Variants in MCPH1 observed in about 807,000 individuals in gnomAD.
MCPH1 encodes the protein microcephalin 1.
Under a neutral mutation model 84.5 loss-of-function variants are expected in MCPH1, and 104 were observed. The ratio of observed to expected loss-of-function variants is 1.23; its 90% CI spans 1.05 to 1.45. The LOEUF (loss-of-function observed/expected upper bound fraction) is 1.45, where lower values mean the gene tolerates loss of function less well. Ranked by LOEUF, MCPH1 falls within the 40% of genes most tolerant of loss-of-function variation. The pLI is 0.00. For synonymous variants in MCPH1, 514 were observed against 366.8 expected, an observed-to-expected ratio of 1.40 and a Z score of -4.58; for missense variants, 1,498 against 1,005.7, an observed-to-expected ratio of 1.49 and a Z score of -6.62.
intron 12 of MCPH1, among the ~76,000 whole-genome samples, chr8:6,551,785 G>C (rs1024848085): frequency 1.3e-5 from 2 of 152,162 alleles, no homozygotes; most frequent in African/African-American, 2.4e-5. Context: ...ATTAGCTTGT[G>C]GTTGGGATTT....
intron 12 of MCPH1, among the ~76,000 whole-genome samples, chr8:6,540,065 C>G (rs1821262203): frequency 6.6e-6 from 1 of 152,192 alleles, no homozygotes; most frequent in South Asian, 2.1e-4. Flanking sequence ...GTCCATGCCT[C>G]TCCTCCTGTG....
rs562155820 is a variant in MCPH1, at chr8:6,642,784, G to A, written c.2453-210G>A. On this transcript the variant is annotated intron_variant, in intron 13 of 13. Coordinates refer to ENST00000344683, the MANE Select transcript of MCPH1 (RefSeq NM_024596.5). The stretch of plus-strand genomic sequence containing the variant: ...ACCAAGCACTTGAACTGGCCAGTGT[G>A]ACTGAGAACTGAATGTTTCATTGTA... 314 of 618,660 alleles carry A rather than the reference G, an allele frequency of 5.1e-4. No individual in the cohort carries two copies. The African/African-American group carries it at 5.2e-3, about 10-fold the overall frequency. 38.3% of individuals were successfully genotyped at this position (618,660 alleles called of 1,614,324 possible).
chr8:6,418,623 G>GC (rs1799662471), intron 3 of MCPH1, among the ~76,000 whole-genome samples: 1 of 151,694 alleles, frequency 6.6e-6, no homozygotes, highest in South Asian at 2.1e-4. Context: ...TCGCTCTGTC[G>GC]CCAGGCTGGA....
chr8:6,548,462 C>G (rs375771865), intron 12 of MCPH1, among the ~76,000 whole-genome samples: 3 of 152,164 alleles, frequency 2.0e-5, no homozygotes, highest in African/African-American at 7.2e-5. Context: ...GCTAGCTCTC[C>G]TCTGCCCAGC....
At chr8:6,578,704 C>T (rs1827309233) in intron 12 of MCPH1, among the ~76,000 whole-genome samples, 1 of 152,182 alleles carries the variant, frequency 6.6e-6, no homozygotes, top group Admixed American at 6.5e-5. Context: ...TCCAAGCTCT[C>T]AGTGACAAAC....
chr8:6,477,673 C>G (rs1374841535), intron 10 of MCPH1, 42 bp downstream of exon 10: 5 of 1,557,246 alleles, frequency 3.2e-6, no homozygotes, highest in South Asian at 1.1e-5. Context: ...AAAATGTTAA[C>G]CTTTTCTCTC....
At chr8:6,588,545 G>C (rs62496902) in intron 12 of MCPH1, among the ~76,000 whole-genome samples, 33,503 of 152,152 alleles carry the variant, frequency 0.22, 3,852 homozygotes, top group South Asian at 0.31. Context: ...TGTCCAGCCG[G>C]GCTCCTGGAG....
intron 3 of MCPH1, among the ~76,000 whole-genome samples, chr8:6,416,411 G>GT (rs1268076687): frequency 6.6e-6 from 1 of 152,142 alleles, no homozygotes; most frequent in Non-Finnish European, 1.5e-5. Flanking sequence ...AAAGCTTTCA[G>GT]TATTTCATTA....
chr8:6,505,783 T>A (rs947327745), intron 12 of MCPH1, among the ~76,000 whole-genome samples: 1 of 136,150 alleles, frequency 7.3e-6, no homozygotes, highest in Non-Finnish European at 1.5e-5. Flanking sequence ...ATTCTTTATA[T>A]ATGTATATAT....
At chr8:6,423,342 T>A (rs1019995540) in intron 3 of MCPH1, among the ~76,000 whole-genome samples, 1 of 147,188 alleles carries the variant, frequency 6.8e-6, no homozygotes, top group Admixed American at 6.7e-5. Context: ...TTTTTTTGTA[T>A]TTTTAGTAGA....
intron 11 of MCPH1, among the ~76,000 whole-genome samples, chr8:6,498,833 C>A (rs1811598067): frequency 6.6e-6 from 1 of 152,010 alleles, no homozygotes; most frequent in Non-Finnish European, 1.5e-5. Context: ...CAGATCACTT[C>A]AGGCCAGAAG....
At chr8:6,453,294 G>T (rs1421262962) in intron 8 of MCPH1, among the ~76,000 whole-genome samples, 2 of 144,796 alleles carry the variant, frequency 1.4e-5, no homozygotes, top group South Asian at 2.3e-4. Context: ...TGGCAAATTA[G>T]TGTGGCAGAG....
rs989200146 is a variant in MCPH1 at position 6,432,587 on chromosome 8, CTTG to C, written c.321+1004_321+1006del. 8.5e-5 allele frequency among the ~76,000 whole-genome samples: 13 copies of C among 152,338 alleles called. 1 individual carries two copies. The highest frequency in any genetic ancestry group is 3.1e-4 in the African/African-American group (13 of 41,578). On this transcript the variant is annotated intron_variant, in intron 4 of 13. Coordinates refer to ENST00000344683, the MANE Select transcript of MCPH1 (RefSeq NM_024596.5). Reference sequence around the variant, plus strand: ...CTTTACTCTGAAACATCACAGCCAGCTTGTTTTCACATGAGATTCTCTGTTAGA... The same window carrying C: ...CTTTACTCTGAAACATCACAGCCAGCTTTTCACATGAGATTCTCTGTTAGA...
intron 11 of MCPH1, among the ~76,000 whole-genome samples, chr8:6,482,691 T>A (rs1362676190): frequency 6.6e-6 from 1 of 152,242 alleles, no homozygotes; most frequent in Non-Finnish European, 1.5e-5. Flanking sequence ...GCTCCCTGGT[T>A]GTCTGCATGT....
At chr8:6,514,512 T>G (rs2916736) in intron 12 of MCPH1, among the ~76,000 whole-genome samples, 55,154 of 152,034 alleles carry the variant, frequency 0.36, 10,204 homozygotes, top group Middle Eastern at 0.48. Flanking sequence ...TGATACAGTT[T>G]ACCTTATATT....
intron 12 of MCPH1, among the ~76,000 whole-genome samples, chr8:6,604,525 G>C (rs993779983): frequency 3.9e-5 from 6 of 152,250 alleles, no homozygotes; most frequent in African/African-American, 1.4e-4. Context: ...GTTGTTTTGA[G>C]ACGGAGTCTC....
intron 13 of MCPH1, among the ~76,000 whole-genome samples, chr8:6,635,887 G>T (rs1174045714): frequency 6.6e-6 from 1 of 152,230 alleles, no homozygotes; most frequent in Admixed American, 6.5e-5. Flanking sequence ...TGCTGCTGTT[G>T]TTCAGCAGCT....
intron 12 of MCPH1, among the ~76,000 whole-genome samples, chr8:6,509,800 C>G: frequency 6.6e-6 from 1 of 152,094 alleles, no homozygotes. Flanking sequence ...TAAATGTGCT[C>G]GGAACACTCA....
intron 12 of MCPH1, among the ~76,000 whole-genome samples, chr8:6,517,296 A>C (rs2129568405): frequency 6.6e-6 from 1 of 152,296 alleles, no homozygotes; most frequent in Admixed American, 6.5e-5. Flanking sequence ...GATGTTTTTC[A>C]GCAAATAATA....
Sources: gnomAD v4.1 joint callset for allele counts (sites outside exome capture counted in the v4.1 genomes callset) on GRCh38, gnomAD v4.1.1 for gene constraint, MANE v1.5 for transcripts, NCBI Gene and HGNC (gene_info 2026-07-23, HGNC 2026-07-21) for gene names.